RPS6KA5: variants seen among roughly 807,000 people sequenced by gnomAD.
RPS6KA5 encodes the protein ribosomal protein S6 kinase alpha-5.
Under a neutral mutation model 85.5 loss-of-function variants are expected in RPS6KA5, and 27 were observed. The observed-to-expected ratio is 0.32, with a 90% CI of 0.23 to 0.44. The LOEUF is 0.44. RPS6KA5 is among the 20% of genes least tolerant of loss of function. The probability of loss-of-function intolerance (pLI) is 1.00; values close to 1 mark genes in which losing one functional copy is unlikely to be tolerated. For missense variants in RPS6KA5, 811 were observed against 980.9 expected (o/e 0.83, Z 2.31); for synonymous variants, 334 against 348.2 (o/e 0.96, Z 0.46).
At chr14:90,981,051 A>T (rs2039769654) in intron 2 of RPS6KA5, among the ~76,000 whole-genome samples, 2 of 152,184 alleles carry the variant, frequency 1.3e-5, no homozygotes, top group Non-Finnish European at 2.9e-5. Context: ...TATGCCTGTA[A>T]TCCCAGCTCC....
intron 5 of RPS6KA5, among the ~76,000 whole-genome samples, chr14:90,930,205 C>T (rs2036898529): frequency 6.6e-6 from 1 of 152,110 alleles, no homozygotes; most frequent in South Asian, 2.1e-4. Context: ...GGTTCTGATA[C>T]AGAGCGAGGC....
intron 3 of RPS6KA5, among the ~76,000 whole-genome samples, chr14:90,955,916 T>C (rs2038481029): frequency 6.6e-6 from 1 of 152,218 alleles, no homozygotes; most frequent in African/African-American, 2.4e-5. Context: ...AGGCTCTATA[T>C]TGTTAGGCCC....
intron 4 of RPS6KA5, 49 bp downstream of exon 4, chr14:90,947,386 C>T (rs2037927979): frequency 2.0e-6 from 2 of 984,162 alleles, no homozygotes; most frequent in South Asian, 2.8e-5. Context: ...CCATTATTAC[C>T]TTAGTTAACA....
In RPS6KA5 at chr14:91,004,527, C is replaced by T. The variant is rs112570417; in HGVS notation, c.104-3368G>A. Among the ~76,000 whole-genome samples, 524 of 152,248 alleles carry T rather than the reference C, an allele frequency of 3.4e-3. 2 individuals are homozygous for T. The highest frequency in any genetic ancestry group is 0.012 in the African/African-American group (479 of 41,524). On this transcript the variant is annotated intron_variant, in intron 1 of 16. Transcript: ENST00000614987. ...TGCTCAAAGGAAAAATTAAAGACAT[C>T]TGAGCACCAAAAATCTATAGTTAAC...
chr14:90,967,331 A>G (rs1470342934), intron 3 of RPS6KA5, among the ~76,000 whole-genome samples: 3 of 152,210 alleles, frequency 2.0e-5, no homozygotes, highest in Non-Finnish European at 1.5e-5. Context: ...TAACTTCCAC[A>G]TAAGATTGTC....
chr14:90,955,738 A>G (rs549675514), intron 3 of RPS6KA5, among the ~76,000 whole-genome samples: 5 of 152,286 alleles, frequency 3.3e-5, no homozygotes, highest in Non-Finnish European at 5.9e-5. Context: ...ATAGATGTCT[A>G]TTATGCCTAG....
At chr14:90,967,201 G>C (rs1224140770) in intron 3 of RPS6KA5, among the ~76,000 whole-genome samples, 1 of 152,094 alleles carries the variant, frequency 6.6e-6, no homozygotes, top group East Asian at 1.9e-4. Flanking sequence ...TTTGTTTCTT[G>C]ATTAAAAGAA....
At position 90,859,382 on chromosome 14, in the gene RPS6KA5, G is replaced by A. The variant is rs1446543388; in HGVS notation, c.*12692C>T. Reference sequence around the variant, plus strand: ...ACCAAATGACTGACAACAGACAATGGAAACAAACAACTAGTAGTAGTAATC... The same window carrying A: ...ACCAAATGACTGACAACAGACAATGAAAACAAACAACTAGTAGTAGTAATC... On this transcript the variant is annotated 3_prime_UTR_variant, in exon 17 of 17. Coordinates refer to ENST00000614987, the MANE Select transcript of RPS6KA5 (RefSeq NM_004755.4). The A allele has an allele frequency of 6.6e-6, 1 of 152,148 alleles. No homozygotes were observed. The highest frequency in any genetic ancestry group is 1.5e-5 in the Non-Finnish European group (1 of 68,026). 9.4% of individuals were successfully genotyped at this position (152,148 alleles called of 1,614,324 possible).
intron 4 of RPS6KA5, among the ~76,000 whole-genome samples, chr14:90,944,975 G>C (rs1269007950): frequency 2.0e-5 from 3 of 149,830 alleles, no homozygotes; most frequent in Admixed American, 1.3e-4. Flanking sequence ...AAACGGACAA[G>C]TGTGGGTGGC....
intron 1 of RPS6KA5, among the ~76,000 whole-genome samples, chr14:91,005,638 T>C (rs1166516232): frequency 6.6e-6 from 1 of 152,208 alleles, no homozygotes; most frequent in Non-Finnish European, 1.5e-5. Flanking sequence ...TATTTGAGCA[T>C]GTGAGTCTAG....
At position 90,875,492 on chromosome 14, in the gene RPS6KA5, C is replaced by T. The variant is rs974125392; in HGVS notation, c.1837-132G>A. On this transcript the variant is annotated intron_variant, in intron 14 of 16. Transcript: ENST00000614987. ...TAGCATGATTGAGTTTAAAAGATTA[C>T]GTGATTCCTCAGGGATCTAGAACTA... is the stretch of plus-strand genomic sequence containing the variant. 7.8e-5 allele frequency: 61 copies of T among 779,062 alleles called. 1 individual carries two copies. The highest frequency in any genetic ancestry group is 5.6e-4 in the South Asian group (27 of 48,362). 48.3% of individuals were successfully genotyped at this position (779,062 alleles called of 1,614,324 possible).
intron 5 of RPS6KA5, among the ~76,000 whole-genome samples, chr14:90,940,260 T>C (rs993448859): frequency 1.3e-5 from 2 of 152,178 alleles, no homozygotes; most frequent in Non-Finnish European, 2.9e-5. Flanking sequence ...ATTCAGTAAA[T>C]AAGGGCGCCT....
intron 1 of RPS6KA5, among the ~76,000 whole-genome samples, chr14:91,028,044 T>C (rs1653655470): frequency 6.6e-6 from 1 of 152,192 alleles, no homozygotes; most frequent in African/African-American, 2.4e-5. Context: ...CAAGTTCTAA[T>C]GAAATTCAAA....
intron 1 of RPS6KA5, among the ~76,000 whole-genome samples, chr14:91,034,969 T>TG (rs1215415030): frequency 6.6e-6 from 1 of 151,486 alleles, no homozygotes; most frequent in African/African-American, 2.4e-5. Flanking sequence ...CACAATTTGA[T>TG]GGGGGGAGGG....
At chr14:91,029,660 T>C (rs1400921881) in intron 1 of RPS6KA5, among the ~76,000 whole-genome samples, 3 of 152,168 alleles carry the variant, frequency 2.0e-5, no homozygotes, top group South Asian at 2.1e-4. Flanking sequence ...ACTGGCCTTA[T>C]AGGATTTGTT....
Position 90,870,502 on chromosome 14 carries a change from TAATA to T in RPS6KA5, c.*1568_*1571del, listed in dbSNP as rs1363673882. ...ATTTGCCATTTTTTGCCTGTGCTAT[TAATA>T]TATACATTGATTTAGTAATAAATAT... is the stretch of plus-strand genomic sequence containing the variant. On this transcript the variant is annotated 3_prime_UTR_variant, in exon 17 of 17. Coordinates refer to ENST00000614987, the MANE Select transcript of RPS6KA5 (RefSeq NM_004755.4). 3.9e-5 allele frequency: 6 copies of T among 152,164 alleles called. No homozygotes were observed. Among genetic ancestry groups the T allele is most frequent in the African/African-American group, 1.4e-4 (6 of 41,458 alleles). 9.4% of individuals were successfully genotyped at this position (152,164 alleles called of 1,614,324 possible). A position where few individuals can be genotyped will look rare whatever the true frequency, so the allele number is the denominator to read the frequency against.
intron 1 of RPS6KA5, among the ~76,000 whole-genome samples, chr14:91,048,315 C>T (rs1241128630): frequency 6.6e-6 from 1 of 151,914 alleles, no homozygotes; most frequent in South Asian, 2.1e-4. Context: ...ATAGGATATA[C>T]AAAAATATTA....
chr14:90,949,558 G>A (rs940741418), intron 3 of RPS6KA5, among the ~76,000 whole-genome samples: 1 of 152,076 alleles, frequency 6.6e-6, no homozygotes, highest in Non-Finnish European at 1.5e-5. Flanking sequence ...TATAAACAGG[G>A]TCTCTGAACA....
intron 1 of RPS6KA5, among the ~76,000 whole-genome samples, chr14:91,021,460 G>C (rs986704735): frequency 1.3e-5 from 2 of 152,108 alleles, no homozygotes; most frequent in Non-Finnish European, 2.9e-5. Flanking sequence ...GGGCAACACA[G>C]TAAGATCCGT....
Sources: gnomAD v4.1 joint callset for allele counts (sites outside exome capture counted in the v4.1 genomes callset) on GRCh38, gnomAD v4.1.1 for gene constraint, MANE v1.5 for transcripts, NCBI Gene and HGNC (gene_info 2026-07-23, HGNC 2026-07-21) for gene names.